The following SUCLG2 variants were observed in gnomAD, a reference collection of about 807,000 sequenced individuals.
SUCLG2 encodes the protein succinate--CoA ligase [GDP-forming] subunit beta, mitochondrial.
In SUCLG2, 42 loss-of-function variants were observed where a neutral mutation model predicts 47.9. The observed-to-expected ratio is 0.88, with a 90% CI of 0.69 to 1.14. SUCLG2 has a LOEUF of 1.14. SUCLG2 is among the 50% of genes most tolerant of loss of function. The pLI, the probability that SUCLG2 is intolerant of heterozygous loss-of-function variation, is 0.00. For missense variants in SUCLG2, 571 were observed against 525.9 expected (o/e 1.09, Z -0.84); for synonymous variants, 195 against 197.3 (o/e 0.99, Z 0.10).
chr3:67,498,333 T>C (rs1705405854), intron 7 of SUCLG2, 38 bp from the exon 8 acceptor site: 1 of 1,599,884 alleles, frequency 6.3e-7, no homozygotes, highest in East Asian at 2.2e-5. Context: ...TGAATATCTC[T>C]TGAGGATCTA....
intron 1 of SUCLG2, among the ~76,000 whole-genome samples, chr3:67,615,615 A>ACAC (rs1700611734): frequency 2.4e-5 from 2 of 84,506 alleles, no homozygotes; most frequent in African/African-American, 1.1e-4. Context: ...CACAAACACA[A>ACAC]ACACAAACAC....
At chr3:67,590,549 A>G (rs1242448150) in intron 2 of SUCLG2, among the ~76,000 whole-genome samples, 1 of 151,598 alleles carries the variant, frequency 6.6e-6, no homozygotes, top group Non-Finnish European at 1.5e-5. Context: ...AGACTATGGC[A>G]CCTCCCACCT....
intron 9 of SUCLG2, among the ~76,000 whole-genome samples, chr3:67,484,382 A>G (rs1704998519): frequency 6.6e-6 from 1 of 152,256 alleles, no homozygotes; most frequent in African/African-American, 2.4e-5. Context: ...TTCCTGGCTG[A>G]GAATATTCAG....
At chr3:67,423,747 A>G (rs192302418) in intron 9 of SUCLG2, among the ~76,000 whole-genome samples, 8 of 152,290 alleles carry the variant, frequency 5.3e-5, no homozygotes, top group African/African-American at 1.9e-4. Flanking sequence ...ACATTTTAAC[A>G]TTTTTGACAT....
chr3:67,619,458 G>A (rs1320732029), intron 1 of SUCLG2, among the ~76,000 whole-genome samples: 1 of 152,158 alleles, frequency 6.6e-6, no homozygotes, highest in Non-Finnish European at 1.5e-5. Flanking sequence ...ATCTCCCAGT[G>A]CACAACCATG....
chr3:67,608,331 T>C (rs1003217563), intron 2 of SUCLG2, among the ~76,000 whole-genome samples: 15 of 152,202 alleles, frequency 9.9e-5, no homozygotes, highest in African/African-American at 3.4e-4. Flanking sequence ...AAATAGTGAC[T>C]AAAATCTCTG....
intron 2 of SUCLG2, among the ~76,000 whole-genome samples, chr3:67,569,421 T>C (rs1309357421): frequency 6.6e-6 from 1 of 152,180 alleles, no homozygotes; most frequent in Non-Finnish European, 1.5e-5. Context: ...CCTGGACTCT[T>C]AGGGGCGGGG....
At chr3:67,595,092 C>T (rs1708264474) in intron 2 of SUCLG2, among the ~76,000 whole-genome samples, 2 of 152,134 alleles carry the variant, frequency 1.3e-5, no homozygotes, top group South Asian at 2.1e-4. Context: ...GGAGTAAAAA[C>T]GGAAGCAATG....
intron 9 of SUCLG2, among the ~76,000 whole-genome samples, chr3:67,492,996 G>T (rs1705240430): frequency 1.3e-5 from 2 of 152,196 alleles, no homozygotes; most frequent in Admixed American, 6.5e-5. Context: ...GTTGATAAAA[G>T]TTTAACAAAA....
chr3:67,611,460 A>G (rs899551144), intron 1 of SUCLG2, among the ~76,000 whole-genome samples: 1 of 152,244 alleles, frequency 6.6e-6, no homozygotes, highest in African/African-American at 2.4e-5. Flanking sequence ...CAAAGGCTTT[A>G]TAGTCTTAAT....
At chr3:67,550,018 T>C (rs928350207) in intron 2 of SUCLG2, among the ~76,000 whole-genome samples, 1 of 152,240 alleles carries the variant, frequency 6.6e-6, no homozygotes, top group Admixed American at 6.5e-5. Context: ...AAACCACTTC[T>C]TCATTTCATG....
At chr3:67,424,302 C>T (rs1703245377) in intron 9 of SUCLG2, among the ~76,000 whole-genome samples, 1 of 152,224 alleles carries the variant, frequency 6.6e-6, no homozygotes, top group Non-Finnish European at 1.5e-5. Flanking sequence ...CAATTTACCA[C>T]TTTCTCTCAC....
chr3:67,475,766 C>T (rs1704734545), intron 9 of SUCLG2, among the ~76,000 whole-genome samples: 1 of 151,122 alleles, frequency 6.6e-6, no homozygotes, highest in Admixed American at 6.6e-5. Context: ...ACTGCCCAGG[C>T]TTGTCTCAAA....
Position 67,551,672 on chromosome 3 carries a change from A to T in SUCLG2, c.227-22486T>A, listed in dbSNP as rs550988136. On this transcript the variant is annotated intron_variant, in intron 2 of 10. Coordinates refer to ENST00000307227, the MANE Select transcript of SUCLG2 (RefSeq NM_003848.4). The stretch of plus-strand genomic sequence containing the variant: ...GCGTTTTGTGGAGCAGAGTGAGCAT[A>T]CACAGCTATCTGTCCTTCAGTGCCA... Among the ~76,000 whole-genome samples the T allele has an allele frequency of 2.0e-5, 3 of 152,306 alleles. No homozygotes were observed. The East Asian group carries it at 5.8e-4, about 29-fold the overall frequency.
At chr3:67,516,597 T>C (rs1705951379) in intron 6 of SUCLG2, among the ~76,000 whole-genome samples, 1 of 152,216 alleles carries the variant, frequency 6.6e-6, no homozygotes, top group South Asian at 2.1e-4. Flanking sequence ...CCTAGAAGTG[T>C]TGTTTCACCT....
chr3:67,510,625 T>A (rs1323457715), intron 6 of SUCLG2, among the ~76,000 whole-genome samples: 1 of 152,186 alleles, frequency 6.6e-6, no homozygotes, highest in East Asian at 1.9e-4. Context: ...TAGAGACACT[T>A]CATCAGCAAC....
intron 1 of SUCLG2, among the ~76,000 whole-genome samples, chr3:67,650,457 T>C (rs1701266531): frequency 6.6e-6 from 1 of 152,032 alleles, no homozygotes; most frequent in South Asian, 2.1e-4. Flanking sequence ...ACAACAAGGA[T>C]TCTAAAATAG....
At chr3:67,578,776 T>C (rs898255956) in intron 2 of SUCLG2, among the ~76,000 whole-genome samples, 16 of 152,160 alleles carry the variant, frequency 1.1e-4, no homozygotes, top group Non-Finnish European at 2.4e-4. Flanking sequence ...TTTTTCTGAC[T>C]CCCTTCTCTC....
At chr3:67,426,319 G>A (rs1703300392) in intron 9 of SUCLG2, among the ~76,000 whole-genome samples, 1 of 152,052 alleles carries the variant, frequency 6.6e-6, no homozygotes, top group African/African-American at 2.4e-5. Flanking sequence ...AAGTAAAACA[G>A]ACATATAAGA....
Sources: allele counts gnomAD v4.1 joint callset (sites outside exome capture counted in the v4.1 genomes callset), GRCh38; gene constraint gnomAD v4.1.1; transcripts MANE v1.5; gene names NCBI Gene and HGNC (gene_info 2026-07-23, HGNC 2026-07-21).